HIVEP1: variants seen among roughly 807,000 people sequenced by gnomAD.
HIVEP1 encodes the protein zinc finger protein 40.
HIVEP1 carries 36 observed loss-of-function variants against 180.0 expected under a neutral mutation model. The ratio of observed to expected loss-of-function variants is 0.20; its 90% CI spans 0.15 to 0.26. The LOEUF is 0.26. Among genes scored for constraint, HIVEP1 ranks in the 10% least tolerant of loss-of-function variants. HIVEP1 has a pLI of 1.00. For missense variants in HIVEP1, 3,143 were observed against 3,268.7 expected, an observed-to-expected ratio of 0.96 and a Z score of 0.94; for synonymous variants, 1,239 against 1,239.0, an observed-to-expected ratio of 1.00 and a Z score of 0.00.
chr6:12,200,567 A>G, the HIVEP1 span, among the ~76,000 whole-genome samples: 1 of 152,206 alleles, frequency 6.6e-6, no homozygotes, highest in East Asian at 1.9e-4. Context: ...GCAGGCTTTG[A>G]AAAAGCCTAG....
intron 2 of HIVEP1, among the ~76,000 whole-genome samples, chr6:12,052,691 C>G (rs1425012227): frequency 6.6e-6 from 1 of 152,150 alleles, no homozygotes; most frequent in African/African-American, 2.4e-5. Flanking sequence ...AGTAAATGGC[C>G]AAACTAGGAA....
chr6:12,197,241 G>C, the HIVEP1 span, among the ~76,000 whole-genome samples: 1 of 152,116 alleles, frequency 6.6e-6, no homozygotes, highest in Admixed American at 6.5e-5. Context: ...GAAGTGTGGG[G>C]AGCTGAGTTC....
chr6:12,168,197 T>TATCTATATTATATAG (rs1444526997), downstream of HIVEP1, among the ~76,000 whole-genome samples: 2,656 of 96,470 alleles, frequency 0.028, 341 homozygotes, highest in Non-Finnish European at 0.038. Flanking sequence ...TATACGTGTA[T>TATCTATATTATATAG]ATATACATAT....
downstream of HIVEP1, chr6:12,165,212 A>C (rs1233108909): frequency 2.1e-6 from 1 of 468,110 alleles, no homozygotes; most frequent in Non-Finnish European, 4.2e-6. Flanking sequence ...GTCATTTCAT[A>C]GTTATTATTA....
chr6:12,175,760 CTT>C, the HIVEP1 span, among the ~76,000 whole-genome samples: 1 of 152,210 alleles, frequency 6.6e-6, no homozygotes, highest in East Asian at 1.9e-4. Flanking sequence ...AATGTGGAGT[CTT>C]TCTGTGCATT....
chr6:12,178,799 T>C, the HIVEP1 span, among the ~76,000 whole-genome samples: 1 of 152,188 alleles, frequency 6.6e-6, no homozygotes, highest in African/African-American at 2.4e-5. Flanking sequence ...AAAAAATTCA[T>C]TGTGTGGTGT....
intron 2 of HIVEP1, among the ~76,000 whole-genome samples, chr6:12,051,110 C>G (rs1770512263): frequency 6.7e-6 from 1 of 149,504 alleles, no homozygotes; most frequent in Admixed American, 6.7e-5. Flanking sequence ...CTTTCTCTCA[C>G]AGCGAGAATG....
Position 12,089,172 on chromosome 6 carries a change from T to C in HIVEP1, c.41-12T>C, listed in dbSNP as rs747287534. Reference sequence around the variant, plus strand: ...GTAAATTAATTTATAAATTTTTCTCTGTTTTTCTTAGACAAAATTGAAGAA... The same window carrying C: ...GTAAATTAATTTATAAATTTTTCTCCGTTTTTCTTAGACAAAATTGAAGAA... On this transcript the variant is annotated splice_polypyrimidine_tract_variant and intron_variant, in intron 2 of 8. Transcript: ENST00000379388. 3.4e-6 allele frequency: 5 copies of C among 1,451,390 alleles called. No homozygotes were observed. Among genetic ancestry groups the C allele is most frequent in the South Asian group, 2.4e-5 (2 of 84,676 alleles). The allele number at this position is 1,451,390 out of a possible 1,614,324, so 89.9% of individuals were successfully genotyped here.
At chr6:12,146,992 T>C (rs946162469) in intron 7 of HIVEP1, among the ~76,000 whole-genome samples, 1 of 152,138 alleles carries the variant, frequency 6.6e-6, no homozygotes, top group African/African-American at 2.4e-5. Context: ...TTTGGAAGGC[T>C]GTTGGTGAGG....
Position 12,124,105 on chromosome 6 carries a change from T to G in HIVEP1, c.4310T>G (p.Ile1437Arg). ...GPLVRQISLN[I>R]APDSHLSPVH... Reference sequence around the variant, plus strand: ...CTGGTACGGCAAATATCTTTAAACATAGCCCCAGATAGTCATCTGTCTCCT... The same window carrying G: ...CTGGTACGGCAAATATCTTTAAACAGAGCCCCAGATAGTCATCTGTCTCCT... The change falls in exon 4 of 9, where the codon ATA becomes AGA. Residue 1437 changes from isoleucine to arginine, a missense_variant. Ile to Arg is a moderately conservative substitution (Grantham distance 97). Coordinates refer to ENST00000379388, the MANE Select transcript of HIVEP1 (RefSeq NM_002114.4). 6.2e-7 allele frequency: 1 copy of G among 1,614,186 alleles called. No individual in the cohort carries two copies.
At chr6:12,192,466 C>G in the HIVEP1 span, among the ~76,000 whole-genome samples, 15 of 152,252 alleles carry the variant, frequency 9.9e-5, no homozygotes, top group Admixed American at 8.5e-4. Flanking sequence ...TGTCCTCACC[C>G]AAATCTCATG....
the HIVEP1 span, among the ~76,000 whole-genome samples, chr6:12,199,438 C>T: frequency 6.8e-6 from 1 of 147,110 alleles, no homozygotes; most frequent in Non-Finnish European, 1.5e-5. Context: ...CTCGGCTTAC[C>T]GCAACCTCCA....
chr6:12,042,053 A>G (rs1348246557), intron 2 of HIVEP1, among the ~76,000 whole-genome samples: 1 of 143,928 alleles, frequency 6.9e-6, no homozygotes, highest in African/African-American at 2.6e-5. Flanking sequence ...CATAGATTGT[A>G]TTTGTTAATA....
At position 12,123,494 on chromosome 6, in the gene HIVEP1, A is replaced by G; in HGVS notation, c.3699A>G (p.Gln1233=). The G allele has an allele frequency of 1.9e-6, 3 of 1,614,134 alleles. No individual in the cohort carries two copies. The highest frequency in any genetic ancestry group is 2.5e-6 in the Non-Finnish European group (3 of 1,180,028). The stretch of plus-strand genomic sequence containing the variant: ...GACTTGTCCGGCAGCACAACATCCA[A>G]GTTCCAGAGATTTTGGTCACAGAAG... ...PSRLVRQHNI[Q]VPEILVTEEP... The change falls in exon 4 of 9, where the codon CAA becomes CAG. Residue 1233 remains glutamine, a synonymous_variant. Coordinates refer to ENST00000379388, the MANE Select transcript of HIVEP1 (RefSeq NM_002114.4).
At chr6:12,194,100 A>G in the HIVEP1 span, among the ~76,000 whole-genome samples, 1 of 152,212 alleles carries the variant, frequency 6.6e-6, no homozygotes, top group Non-Finnish European at 1.5e-5. Flanking sequence ...GAACAAAAAG[A>G]AGAGAATGCA....
At chr6:12,139,121 C>T (rs1380888427) in intron 7 of HIVEP1, among the ~76,000 whole-genome samples, 1 of 151,962 alleles carries the variant, frequency 6.6e-6, no homozygotes, top group Non-Finnish European at 1.5e-5. Context: ...ACAATTGTGT[C>T]ATTCCTTTGC....
chr6:12,178,257 G>A, the HIVEP1 span, among the ~76,000 whole-genome samples: 3 of 152,142 alleles, frequency 2.0e-5, no homozygotes, highest in Non-Finnish European at 4.4e-5. Context: ...CAAGTTGGTC[G>A]GGAAAAGTCA....
chr6:12,179,058 C>T, the HIVEP1 span, among the ~76,000 whole-genome samples: 1 of 151,896 alleles, frequency 6.6e-6, no homozygotes, highest in African/African-American at 2.4e-5. Context: ...ATGATGGAGT[C>T]GTATATCTCT....
chr6:12,110,394 G>T (rs552805162), intron 3 of HIVEP1, among the ~76,000 whole-genome samples: 1 of 152,196 alleles, frequency 6.6e-6, no homozygotes, highest in Non-Finnish European at 1.5e-5. Flanking sequence ...TAGAAAATCT[G>T]TTGTTTTCTG....
Sources: allele counts gnomAD v4.1 joint callset (sites outside exome capture counted in the v4.1 genomes callset), GRCh38; gene constraint gnomAD v4.1.1; transcripts MANE v1.5; gene names NCBI Gene and HGNC (gene_info 2026-07-23, HGNC 2026-07-21).